Variants in RMC1 observed in about 807,000 individuals in gnomAD.
RMC1 encodes regulator of MON1-CCZ1, also known as regulator of MON1-CCZ1 complex.
RMC1 carries 44 observed loss-of-function variants against 95.5 expected under a neutral mutation model. The ratio of observed to expected loss-of-function variants is 0.46; its 90% CI spans 0.36 to 0.59. The LOEUF is 0.59. Ranked by LOEUF, RMC1 falls within the 20% of genes least tolerant of loss-of-function variation. The pLI, the probability that RMC1 is intolerant of heterozygous loss-of-function variation, is 0.00. For missense variants in RMC1, 705 were observed against 819.6 expected (o/e 0.86, Z 1.71); for synonymous variants, 320 against 303.6 (o/e 1.05, Z -0.56).
intron 13 of RMC1, 111 bp downstream of exon 13, chr18:23,526,876 C>T: frequency 7.0e-7 from 1 of 1,419,226 alleles, no homozygotes; most frequent in Non-Finnish European, 9.4e-7. Context: ...GACCCACAGC[C>T]TCATTCTTTA....
At position 23,531,484 on chromosome 18, in the gene RMC1, G is replaced by A. The variant is rs1227797863; in HGVS notation, c.1895-141G>A. ...TTGTATTTGTCTCTCAAAGCAGATAGGGTAACCCCAAAACTTAGGAAAACA... is the reference window on the plus strand; with the variant it reads ...TTGTATTTGTCTCTCAAAGCAGATAAGGTAACCCCAAAACTTAGGAAAACA... On this transcript the variant is annotated intron_variant, in intron 19 of 19. Transcript: ENST00000269221. 3.5e-6 allele frequency: 5 copies of A among 1,447,998 alleles called. No individual in the cohort carries two copies. The highest frequency in any genetic ancestry group is 4.5e-6 in the Non-Finnish European group (5 of 1,105,286). The allele number at this position is 1,447,998 out of a possible 1,614,324, so 89.7% of individuals were successfully genotyped here.
chr18:23,530,658 G>A (rs2058466855), intron 19 of RMC1, 46 bp downstream of exon 19: 2 of 1,566,760 alleles, frequency 1.3e-6, no homozygotes, highest in Admixed American at 1.8e-5. Flanking sequence ...GCCTCAAAGA[G>A]TAGCAGAGGG....
Position 23,524,506 on chromosome 18 carries a change from G to A in RMC1, c.1060+24G>A, listed in dbSNP as rs144205739. On this transcript the variant is annotated intron_variant, in intron 12 of 19. Coordinates refer to ENST00000269221, the MANE Select transcript of RMC1 (RefSeq NM_013326.5). ...AGGTAGGTCAGCGGGGACAGTTGTC[G>A]TGTTACAACATGGTGCTTGTTGACT... The A allele has an allele frequency of 5.2e-5, 84 of 1,611,796 alleles. No individual in the cohort carries two copies. In the Middle Eastern group the frequency reaches 1.7e-3, roughly 32 times the overall value.
chr18:23,512,367 C>T (rs1298918529), intron 5 of RMC1, among the ~76,000 whole-genome samples: 1 of 152,048 alleles, frequency 6.6e-6, no homozygotes, highest in African/African-American at 2.4e-5. Context: ...AAGTAAGCAT[C>T]TTTTCATTTG....
At chr18:23,515,132 G>A (rs548905676) in intron 5 of RMC1, among the ~76,000 whole-genome samples, 1 of 152,270 alleles carries the variant, frequency 6.6e-6, no homozygotes, top group African/African-American at 2.4e-5. Context: ...TCCTGGAGGT[G>A]TCAGTTTCTT....
At chr18:23,519,822 A>G (rs530722054) in intron 9 of RMC1, among the ~76,000 whole-genome samples, 1 of 152,254 alleles carries the variant, frequency 6.6e-6, no homozygotes, top group African/African-American at 2.4e-5. Context: ...CAGGACAACT[A>G]GAATGGGTCC....
At chr18:23,514,348 C>T (rs566665993) in intron 5 of RMC1, among the ~76,000 whole-genome samples, 82 of 152,308 alleles carry the variant, frequency 5.4e-4, no homozygotes, top group African/African-American at 1.9e-3. Flanking sequence ...AACCCCGTCT[C>T]TATTAAACTC....
chr18:23,524,032 G>A lies in RMC1; in HGVS notation c.962-98G>A, dbSNP rs773613606. The A allele has an allele frequency of 1.3e-4, 163 of 1,286,736 alleles. 1 individual carries two copies. Among genetic ancestry groups the A allele is most frequent in the Non-Finnish European group, 1.7e-4 (149 of 887,342 alleles). The allele number at this position is 1,286,736 out of a possible 1,614,324, so 79.7% of individuals were successfully genotyped here. On this transcript the variant is annotated intron_variant, in intron 10 of 19. Coordinates refer to ENST00000269221, the MANE Select transcript of RMC1 (RefSeq NM_013326.5). ...TTGACTACAATTGAATAAACATTTC[G>A]TAATGACATTAAAAAGTATTGACTT...
intron 10 of RMC1, among the ~76,000 whole-genome samples, chr18:23,521,888 G>A (rs900800927): frequency 3.3e-5 from 5 of 152,196 alleles, no homozygotes; most frequent in Admixed American, 1.3e-4. Flanking sequence ...AGTCTCTCCC[G>A]GCTCTCTTTT....
chr18:23,529,030 C>T lies in RMC1; in HGVS notation c.1297-149C>T, dbSNP rs547085934. 5.6e-5 allele frequency: 73 copies of T among 1,302,186 alleles called. 2 individuals are homozygous for T. The South Asian group carries it at 9.9e-4, about 18-fold the overall frequency. The allele number at this position is 1,302,186 out of a possible 1,614,324, so 80.7% of individuals were successfully genotyped here. A position where few individuals can be genotyped will look rare whatever the true frequency, so the allele number is the denominator to read the frequency against. On this transcript the variant is annotated intron_variant, in intron 14 of 19. Transcript: ENST00000269221. ...GAGTAGCTGGGATTACAGGCATGCG[C>T]ACAGGAAAAAGTTGTATCTAAGTAG... is the stretch of plus-strand genomic sequence containing the variant.
intron 7 of RMC1, 139 bp downstream of exon 7, chr18:23,516,562 G>C: frequency 1.2e-6 from 1 of 801,058 alleles, no homozygotes. Context: ...TGGGTATTCA[G>C]TGTATAGGTC....
At chr18:23,511,841 TAGAG>T (rs1235606773) in intron 5 of RMC1, among the ~76,000 whole-genome samples, 1 of 152,048 alleles carries the variant, frequency 6.6e-6, no homozygotes, top group Non-Finnish European at 1.5e-5. Context: ...TTCTTTATAT[TAGAG>T]GGAGAGTTGC....
chr18:23,529,245 C>T lies in RMC1; in HGVS notation c.1363C>T (p.Leu455=). The T allele has an allele frequency of 6.2e-7, 1 of 1,614,032 alleles. No homozygotes were observed. Among genetic ancestry groups the T allele is most frequent in the Non-Finnish European group, 8.5e-7 (1 of 1,180,038 alleles). Residue 455 remains leucine (L), a synonymous_variant, in exon 15 of 20, where the codon CTG becomes TTG. Coordinates refer to ENST00000269221, the MANE Select transcript of RMC1 (RefSeq NM_013326.5). ...GAGGCCGGTGCGGACCCAGGCGGTG[C>T]TGGACCAGTCAGATGTGTACACCCA... ...LKRPVRTQAV[L]DQSDVYTHVL... is the part of the protein sequence containing the mutation.
intron 9 of RMC1, among the ~76,000 whole-genome samples, chr18:23,519,385 G>A (rs2058088523): frequency 6.6e-6 from 1 of 152,150 alleles, no homozygotes; most frequent in South Asian, 2.1e-4. Context: ...GGGCGTGGTA[G>A]TGCACGCCTA....
intron 7 of RMC1, among the ~76,000 whole-genome samples, chr18:23,518,612 CTATTACATGTGTTTCT>C (rs1414541033): frequency 6.6e-6 from 1 of 152,122 alleles, no homozygotes. Flanking sequence ...TCAAGTATAA[CTATTACATGTGTTTCT>C]TTCCAATCAT....
At chr18:23,512,718 C>T (rs918186416) in intron 5 of RMC1, among the ~76,000 whole-genome samples, 2 of 151,822 alleles carry the variant, frequency 1.3e-5, no homozygotes, top group Non-Finnish European at 2.9e-5. Flanking sequence ...TGGGCATGAG[C>T]CACTGTGTGT....
chr18:23,520,989 A>T (rs887736704), intron 10 of RMC1, among the ~76,000 whole-genome samples: 2 of 152,172 alleles, frequency 1.3e-5, no homozygotes, highest in Admixed American at 6.5e-5. Context: ...AAGTGGTGGG[A>T]TTACAGGCAT....
chr18:23,520,450 G>A (rs2058113971), intron 10 of RMC1, 137 bp downstream of exon 10: 2 of 725,588 alleles, frequency 2.8e-6, no homozygotes, highest in East Asian at 5.9e-5. Flanking sequence ...TTTTGCCAGG[G>A]GCCATTTGTT....
At chr18:23,505,699 C>T (rs1179442107) in intron 2 of RMC1, among the ~76,000 whole-genome samples, 5 of 152,096 alleles carry the variant, frequency 3.3e-5, no homozygotes, top group African/African-American at 4.8e-5. Context: ...TGAAGAGCAG[C>T]GCTCTGGTGG....
Sources: gnomAD v4.1 joint callset for allele counts (sites outside exome capture counted in the v4.1 genomes callset) on GRCh38, gnomAD v4.1.1 for gene constraint, MANE v1.5 for transcripts, NCBI Gene and HGNC (gene_info 2026-07-23, HGNC 2026-07-21) for gene names.